Variants in ANKRD36C observed in about 807,000 individuals in gnomAD.
ANKRD36C encodes the protein ankyrin repeat domain 36C.
ANKRD36C carries 61 observed loss-of-function variants against 276.4 expected under a neutral mutation model. That is an observed-to-expected ratio of 0.22 (90% CI 0.18 to 0.27). ANKRD36C has a LOEUF of 0.27. ANKRD36C is among the 10% of genes least tolerant of loss of function. ANKRD36C has a pLI of 1.00. For missense variants in ANKRD36C, 1,447 were observed against 2,032.3 expected (o/e 0.71, Z 5.54); for synonymous variants, 483 against 680.1 (o/e 0.71, Z 4.51).
At chr2:95,853,965 C>G in intron 63 of ANKRD36C, 104 bp from the exon 84 acceptor site, 1 of 1,376,140 alleles carries the variant, frequency 7.3e-7, no homozygotes, top group South Asian at 1.5e-5. Flanking sequence ...TATCACCACA[C>G]AGACCGATTC....
chr2:95,938,622 A>C (rs2104457117), intron 22 of ANKRD36C, among the ~76,000 whole-genome samples: 1 of 152,422 alleles, frequency 6.6e-6, no homozygotes. Flanking sequence ...TTAAAGGAAA[A>C]GCATTTGGGC....
intron 6 of ANKRD36C, among the ~76,000 whole-genome samples, chr2:95,972,914 C>T (rs1187612423): frequency 6.6e-6 from 1 of 152,120 alleles, no homozygotes; most frequent in East Asian, 1.9e-4. Flanking sequence ...AAGATCACAG[C>T]CAATTGTCTT....
intron 14 of ANKRD36C, 81 bp from the exon 15 acceptor site, chr2:95,951,489 TAACAGG>T (rs143988021): frequency 0.051 from 54,810 of 1,070,836 alleles, 1,483 homozygotes; most frequent in East Asian, 0.17. Flanking sequence ...CTACGTGATC[TAACAGG>T]AAAAGTATGG....
At chr2:95,925,528 T>C (rs1382477824) in exon 29 of ANKRD36C, 5 of 1,550,228 alleles carry the variant, frequency 3.2e-6, no homozygotes, top group Non-Finnish European at 3.5e-6. Context: ...CCTTCCAGGC[T>C]GATTGTTTCT....
intron 46 of ANKRD36C, among the ~76,000 whole-genome samples, chr2:95,890,338 G>C (rs567689817): frequency 6.6e-6 from 1 of 151,642 alleles, no homozygotes; most frequent in South Asian, 2.1e-4. Context: ...CAATGTCAAA[G>C]CAGGTGCTAC....
chr2:95,967,869 C>T (rs1439306139), intron 6 of ANKRD36C, among the ~76,000 whole-genome samples: 2 of 152,008 alleles, frequency 1.3e-5, no homozygotes, highest in African/African-American at 4.8e-5. Flanking sequence ...GGGTGGATCA[C>T]ATGAAGTCAA....
intron 19 of ANKRD36C, among the ~76,000 whole-genome samples, chr2:95,942,207 A>G (rs1425681098): frequency 1.3e-5 from 2 of 152,304 alleles, no homozygotes; most frequent in African/African-American, 2.4e-5. Flanking sequence ...TGTAAAATAT[A>G]CTAAACTGGT....
At chr2:95,934,889 C>G (rs2438958) in intron 24 of ANKRD36C, among the ~76,000 whole-genome samples, 1 of 152,310 alleles carries the variant, frequency 6.6e-6, no homozygotes, top group African/African-American at 2.4e-5. Context: ...AAAGAGTCAC[C>G]AAAAAATGAT....
chr2:95,918,295 C>T (rs1210620168), intron 34 of ANKRD36C, among the ~76,000 whole-genome samples: 1 of 151,544 alleles, frequency 6.6e-6, no homozygotes, highest in Non-Finnish European at 1.5e-5. Context: ...AAAATAAAAC[C>T]GTGTCAATCT....
chr2:95,869,473 A>G (rs1675753414), intron 59 of ANKRD36C, among the ~76,000 whole-genome samples: 1 of 152,216 alleles, frequency 6.6e-6, no homozygotes, highest in South Asian at 2.1e-4. Context: ...CAAACTTTAA[A>G]TTATTAGGAG....
chr2:95,931,610 A>C (rs1204912770), intron 24 of ANKRD36C, among the ~76,000 whole-genome samples: 1 of 149,180 alleles, frequency 6.7e-6, no homozygotes, highest in East Asian at 2.0e-4. Context: ...TCTCTCCTTG[A>C]TGCACCAAAA....
intron 6 of ANKRD36C, among the ~76,000 whole-genome samples, chr2:95,970,035 T>C (rs995494375): frequency 2.6e-5 from 4 of 152,312 alleles, no homozygotes; most frequent in Admixed American, 1.3e-4. Context: ...ACTGTACTTA[T>C]TTTGTTGAAA....
intron 34 of ANKRD36C, among the ~76,000 whole-genome samples, 187 bp downstream of exon 36, chr2:95,919,546 C>T (rs1483469580): frequency 7.6e-6 from 1 of 132,178 alleles, no homozygotes; most frequent in Non-Finnish European, 1.7e-5. Flanking sequence ...CTGCAAAGAT[C>T]ATGTTCCAGG....
chr2:95,943,806 T>A (rs1048771705), intron 19 of ANKRD36C, among the ~76,000 whole-genome samples: 3 of 151,994 alleles, frequency 2.0e-5, no homozygotes, highest in African/African-American at 4.8e-5. Context: ...ACTGAAATTT[T>A]AAAAAGTGAG....
intron 56 of ANKRD36C, among the ~76,000 whole-genome samples, chr2:95,881,604 ATG>A (rs1407784430): frequency 6.6e-6 from 1 of 152,160 alleles, no homozygotes; most frequent in Non-Finnish European, 1.5e-5. Context: ...TAAAAAATAT[ATG>A]TGTGATGTCT....
exon 54 of ANKRD36C, chr2:95,884,193 T>C: frequency 6.2e-7 from 1 of 1,608,922 alleles, no homozygotes; most frequent in Non-Finnish European, 8.5e-7. Context: ...TTTTTCTCCA[T>C]CCTTTATTTC....
intron 59 of ANKRD36C, among the ~76,000 whole-genome samples, chr2:95,875,481 G>C (rs1361159038): frequency 7.2e-6 from 1 of 138,556 alleles, no homozygotes; most frequent in Non-Finnish European, 1.5e-5. Flanking sequence ...ATTGAACAAT[G>C]AGAACAGGTG....
chr2:95,946,133 C>CAG (rs367622551), intron 17 of ANKRD36C, among the ~76,000 whole-genome samples: 3 of 96,958 alleles, frequency 3.1e-5, no homozygotes, highest in Admixed American at 3.2e-4. Context: ...TTACTACAAA[C>CAG]AGAGAGAGAG....
At chr2:95,971,061 A>G (rs1678687015) in intron 6 of ANKRD36C, among the ~76,000 whole-genome samples, 1 of 152,146 alleles carries the variant, frequency 6.6e-6, no homozygotes, top group Non-Finnish European at 1.5e-5. Flanking sequence ...AATACATTCA[A>G]CTGTCTTGGA....
Sources: gnomAD v4.1 joint callset for allele counts (sites outside exome capture counted in the v4.1 genomes callset) on GRCh38, gnomAD v4.1.1 for gene constraint, MANE v1.5 for transcripts, NCBI Gene and HGNC (gene_info 2026-07-23, HGNC 2026-07-21) for gene names.